Variants in APBB2 observed in about 807,000 individuals in gnomAD.
The protein encoded by APBB2 is amyloid beta precursor protein binding family B member 2, also known as Fe65-like 1.
Under a neutral mutation model 82.5 loss-of-function variants are expected in APBB2, and 38 were observed. The observed-to-expected ratio is 0.46, with a 90% confidence interval of 0.36 to 0.60. APBB2 has a LOEUF of 0.60. Ranked by LOEUF, APBB2 falls within the 20% of genes least tolerant of loss-of-function variation. The pLI, the probability that APBB2 is intolerant of heterozygous loss-of-function variation, is 0.00. For missense variants in APBB2, 772 were observed against 972.3 expected, an observed-to-expected ratio of 0.79 and a Z score of 2.74; for synonymous variants, 341 against 368.2, an observed-to-expected ratio of 0.93 and a Z score of 0.85.
chr4:41,213,364 G>A (rs1238104382), intron 1 of APBB2, among the ~76,000 whole-genome samples: 5 of 151,818 alleles, frequency 3.3e-5, no homozygotes, highest in Non-Finnish European at 5.9e-5. Context: ...TGGAGCTTCC[G>A]ACACTGACCT....
At chr4:41,044,184 C>CA (rs1722543127) in intron 4 of APBB2, among the ~76,000 whole-genome samples, 1 of 152,122 alleles carries the variant, frequency 6.6e-6, no homozygotes, top group Admixed American at 6.5e-5. Context: ...CTTCATCTAC[C>CA]ACTTGGTTTT....
intron 5 of APBB2, among the ~76,000 whole-genome samples, chr4:41,031,506 A>G (rs1716796036): frequency 6.6e-6 from 1 of 152,198 alleles, no homozygotes; most frequent in African/African-American, 2.4e-5. Context: ...TTTAAAAACC[A>G]GGCTAGATAA....
At chr4:41,119,344 T>C (rs1299111992) in intron 2 of APBB2, among the ~76,000 whole-genome samples, 2 of 152,026 alleles carry the variant, frequency 1.3e-5, no homozygotes, top group Admixed American at 6.6e-5. Flanking sequence ...ACGTGTTTTT[T>C]AAACTTAATC....
intron 5 of APBB2, among the ~76,000 whole-genome samples, chr4:41,028,693 C>A (rs1425267062): frequency 6.6e-6 from 1 of 152,146 alleles, no homozygotes; most frequent in African/African-American, 2.4e-5. Context: ...TGTTTTGCAA[C>A]TAAAAGAGCC....
intron 10 of APBB2, among the ~76,000 whole-genome samples, chr4:40,921,182 CT>C (rs1781164532): frequency 6.6e-6 from 1 of 152,142 alleles, no homozygotes; most frequent in Admixed American, 6.5e-5. Flanking sequence ...CTCACACCAC[CT>C]TTTTGTATTT....
chr4:40,930,448 TGCGC>T (rs1174752964), intron 10 of APBB2, among the ~76,000 whole-genome samples: 6,540 of 66,410 alleles, frequency 0.098, 167 homozygotes, highest in African/African-American at 0.16. Flanking sequence ...TGTGTGTGTG[TGCGC>T]GCGCGCGCGC....
intron 1 of APBB2, among the ~76,000 whole-genome samples, chr4:41,185,717 T>G (rs1772715308): frequency 6.6e-6 from 1 of 151,940 alleles, no homozygotes. Flanking sequence ...AGATTTTCCA[T>G]GCCCTATAAC....
chr4:40,975,792 C>CACACAAA (rs1560429417), intron 6 of APBB2, among the ~76,000 whole-genome samples: 1 of 87,094 alleles, frequency 1.1e-5, no homozygotes, highest in East Asian at 2.9e-4. Flanking sequence ...ACACACACAA[C>CACACAAA]AACCACTCTA....
intron 10 of APBB2, among the ~76,000 whole-genome samples, chr4:40,915,470 T>G (rs1325532805): frequency 6.6e-6 from 1 of 152,194 alleles, no homozygotes; most frequent in Non-Finnish European, 1.5e-5. Flanking sequence ...GTTAAATGAA[T>G]GTATATCTGC....
At chr4:40,830,613 G>A (rs1209003481) in intron 12 of APBB2, 36 bp from the exon 13 acceptor site, 7 of 1,270,558 alleles carry the variant, frequency 5.5e-6, no homozygotes, top group Non-Finnish European at 8.1e-6. Flanking sequence ...ATTAGTAAGA[G>A]AAGCTGATTA....
At chr4:41,029,116 C>A (rs1212578492) in intron 5 of APBB2, among the ~76,000 whole-genome samples, 15 of 152,196 alleles carry the variant, frequency 9.9e-5, no homozygotes, top group Non-Finnish European at 1.8e-4. Flanking sequence ...AATGAAACTT[C>A]ACATTTGCTT....
chr4:40,936,536 C>T (rs1234752155), intron 7 of APBB2, among the ~76,000 whole-genome samples: 2 of 152,204 alleles, frequency 1.3e-5, no homozygotes, highest in East Asian at 1.9e-4. Context: ...GGATTACAGG[C>T]GTAAGCCATG....
intron 6 of APBB2, among the ~76,000 whole-genome samples, chr4:40,950,770 G>A (rs746845021): frequency 7.9e-5 from 12 of 152,032 alleles, no homozygotes; most frequent in Non-Finnish European, 1.5e-4. Context: ...TTGAACCCAG[G>A]AGGCGGAGGT....
rs1211024396 is a variant in APBB2, at chr4:40,964,231, C to T, written c.836-19158G>A. Among the ~76,000 whole-genome samples the T allele has an allele frequency of 3.9e-5, 6 of 152,174 alleles. No individual in the cohort carries two copies. In the East Asian group the frequency reaches 1.2e-3, roughly 29 times the overall value. Reference sequence around the variant, plus strand: ...CACTTGTACTTGGCCCAGATTTCAACTGGTCACCCTGGAAAAGCTTGACCC... The same window carrying T: ...CACTTGTACTTGGCCCAGATTTCAATTGGTCACCCTGGAAAAGCTTGACCC... On this transcript the variant is annotated intron_variant, in intron 6 of 17. Coordinates refer to ENST00000508593, the MANE Select transcript of APBB2 (RefSeq NM_004307.2).
intron 1 of APBB2, among the ~76,000 whole-genome samples, chr4:41,196,634 G>C: frequency 2.1e-5 from 3 of 146,066 alleles, no homozygotes; most frequent in African/African-American, 7.7e-5. Context: ...CAAGTGGGGA[G>C]AGGCTTAGAA....
At chr4:40,859,619 C>T (rs949860572) in intron 12 of APBB2, among the ~76,000 whole-genome samples, 1 of 152,212 alleles carries the variant, frequency 6.6e-6, no homozygotes, top group African/African-American at 2.4e-5. Context: ...CGAGTCCCTT[C>T]AAAAACGAAA....
At chr4:40,904,155 G>A (rs1776076249) in intron 10 of APBB2, among the ~76,000 whole-genome samples, 1 of 152,160 alleles carries the variant, frequency 6.6e-6, no homozygotes. Context: ...ATTAGGCCAG[G>A]TGCAGTAGTT....
Position 40,816,255 on chromosome 4 carries a change from C to T in APBB2, c.2117G>A (p.Arg706Gln). The change falls in exon 18 of 18, where the codon CGA (arginine) becomes CAA (glutamine). Residue 706 changes from arginine (R) to glutamine (Q), a missense_variant. Transcript: ENST00000508593. ...CCTGGCTACCAAGCACTTCTGATAT[C>T]GTAACTGAAATAAAACAAAACGTGT... ...SEAVQAACMLRYQKCLVARPP... is the reference protein window; with the variant it reads ...SEAVQAACMLQYQKCLVARPP... 2.5e-6 allele frequency: 4 copies of T among 1,614,048 alleles called. No individual in the cohort carries two copies. Among genetic ancestry groups the T allele is most frequent in the Non-Finnish European group, 3.4e-6 (4 of 1,180,010 alleles).
At chr4:40,824,314 C>T (rs1008129883) in intron 15 of APBB2, among the ~76,000 whole-genome samples, 1 of 152,208 alleles carries the variant, frequency 6.6e-6, no homozygotes, top group Non-Finnish European at 1.5e-5. Context: ...TTGATGGCAC[C>T]TTTACAGTGG....
Sources: allele counts gnomAD v4.1 joint callset (sites outside exome capture counted in the v4.1 genomes callset), GRCh38; gene constraint gnomAD v4.1.1; transcripts MANE v1.5; gene names NCBI Gene and HGNC (gene_info 2026-07-23, HGNC 2026-07-21).